Variants in CYSLTR2 observed in about 807,000 individuals in gnomAD.
CYSLTR2 encodes cysteinyl leukotriene receptor 2.
For synonymous variants in CYSLTR2, 179 were observed against 160.8 expected (o/e 1.11, Z -0.86); for missense variants, 398 against 411.9 (o/e 0.97, Z 0.29).
intron 1 of CYSLTR2, among the ~76,000 whole-genome samples, chr13:48,673,969 T>C (rs1372814725): frequency 6.6e-6 from 1 of 152,228 alleles, no homozygotes; most frequent in Non-Finnish European, 1.5e-5. Flanking sequence ...TTCTGGCTTG[T>C]AGAGTTTCTG....
intron 1 of CYSLTR2, among the ~76,000 whole-genome samples, chr13:48,680,453 C>A (rs1311924615): frequency 6.6e-6 from 1 of 152,222 alleles, no homozygotes; most frequent in East Asian, 1.9e-4. Flanking sequence ...TTTAACTGGT[C>A]ACGCAGCATG....
rs118124427 is a variant in CYSLTR2, at chr13:48,677,958, G to A, written c.-265-13254G>A. ...ATCTTGGCTCACTGCTGCAACCTCCGCCTTCAGGGTTCAAGCTCTTCTCGT... is the reference window on the plus strand; with the variant it reads ...ATCTTGGCTCACTGCTGCAACCTCCACCTTCAGGGTTCAAGCTCTTCTCGT... On this transcript the variant is annotated intron_variant, in intron 1 of 4. Coordinates refer to ENST00000682523, the MANE Select transcript of CYSLTR2 (RefSeq NM_001308476.3). 4.9e-3 allele frequency among the ~76,000 whole-genome samples: 733 copies of A among 149,276 alleles called. 3 individuals carry two copies. Among genetic ancestry groups the A allele is most frequent in the Middle Eastern group, 0.014 (4 of 290 alleles).
intron 1 of CYSLTR2, among the ~76,000 whole-genome samples, chr13:48,657,815 A>G (rs1391580119): frequency 1.3e-5 from 2 of 151,184 alleles, no homozygotes; most frequent in Non-Finnish European, 2.9e-5. Context: ...TCAAATTATT[A>G]TTTTTAAAGT....
Position 48,707,152 on chromosome 13 carries a change from G to T in CYSLTR2, c.335G>T (p.Arg112Met). The T allele has an allele frequency of 6.2e-7, 1 of 1,614,144 alleles. No individual in the cohort carries two copies. The highest frequency in any genetic ancestry group is 8.5e-7 in the Non-Finnish European group (1 of 1,180,022). ...TGGATATTTGGAGACCTGGCCTGCA[G>T]GATTATGTCTTATTCCTTGTATGTC... ...SNWIFGDLAC[R>M]IMSYSLYVNM... The change falls in exon 5 of 5, where the codon AGG becomes ATG. Residue 112 changes from arginine (R) to methionine (M), a missense_variant. By Grantham distance (91) the Arg-to-Met change is moderately conservative. Transcript: ENST00000682523.
intron 4 of CYSLTR2, among the ~76,000 whole-genome samples, chr13:48,701,073 G>T (rs769504320): frequency 6.6e-6 from 1 of 152,160 alleles, no homozygotes; most frequent in African/African-American, 2.4e-5. Context: ...GTAATTTATA[G>T]ATCAATGCCA....
intron 1 of CYSLTR2, among the ~76,000 whole-genome samples, chr13:48,663,006 A>C (rs1953167619): frequency 6.6e-6 from 1 of 152,088 alleles, no homozygotes; most frequent in Non-Finnish European, 1.5e-5. Context: ...TCTTTGATCC[A>C]TTTTGAGTTA....
chr13:48,664,278 A>G (rs1593937121), intron 1 of CYSLTR2, among the ~76,000 whole-genome samples: 1 of 151,808 alleles, frequency 6.6e-6, no homozygotes, highest in Non-Finnish European at 1.5e-5. Flanking sequence ...ATTAGCCTGT[A>G]GTTTTTTTTG....
At chr13:48,684,220 C>T (rs897249071) in intron 1 of CYSLTR2, among the ~76,000 whole-genome samples, 1 of 152,060 alleles carries the variant, frequency 6.6e-6, no homozygotes, top group African/African-American at 2.4e-5. Context: ...CATAGTCCCT[C>T]TTCCAGAGAA....
chr13:48,654,407 T>C (rs1290951584), intron 1 of CYSLTR2, among the ~76,000 whole-genome samples: 1 of 152,084 alleles, frequency 6.6e-6, no homozygotes, highest in African/African-American at 2.4e-5. Flanking sequence ...TATCAGTCTA[T>C]GGTTTTTCCA....
rs1436406702 is a variant in CYSLTR2, at chr13:48,706,810, A to C, written c.-1-7A>C. 1 of 1,592,726 alleles carries C rather than the reference A, an allele frequency of 6.3e-7. No homozygotes were observed. The highest frequency in any genetic ancestry group is 2.2e-5 in the East Asian group (1 of 44,614). Reference sequence around the variant, plus strand: ...TAACTTTTTGTGTCTGTTTCTTTTTAACCCAGCATGGAGAGAAAATTTATG... The same window carrying C: ...TAACTTTTTGTGTCTGTTTCTTTTTCACCCAGCATGGAGAGAAAATTTATG... On this transcript the variant is annotated splice_polypyrimidine_tract_variant and splice_region_variant and intron_variant, in intron 4 of 4. Coordinates refer to ENST00000682523, the MANE Select transcript of CYSLTR2 (RefSeq NM_001308476.3).
chr13:48,665,502 G>C (rs1466652750), intron 1 of CYSLTR2, among the ~76,000 whole-genome samples: 4 of 151,954 alleles, frequency 2.6e-5, no homozygotes, highest in Non-Finnish European at 5.9e-5. Context: ...CTAGTGTTGG[G>C]TGCATATATA....
intron 4 of CYSLTR2, among the ~76,000 whole-genome samples, chr13:48,699,390 G>A (rs1296498982): frequency 6.6e-6 from 1 of 152,200 alleles, no homozygotes; most frequent in Non-Finnish European, 1.5e-5. Flanking sequence ...CAACTACGTG[G>A]AAACTGAACA....
intron 1 of CYSLTR2, among the ~76,000 whole-genome samples, chr13:48,673,948 C>A (rs369124927): frequency 6.6e-6 from 1 of 152,146 alleles, no homozygotes; most frequent in East Asian, 1.9e-4. Context: ...TGAATATTGG[C>A]CCCCACTCTT....
intron 1 of CYSLTR2, among the ~76,000 whole-genome samples, chr13:48,675,170 T>G (rs1359950333): frequency 6.6e-6 from 1 of 152,186 alleles, no homozygotes; most frequent in African/African-American, 2.4e-5. Flanking sequence ...TCAAGTGCTG[T>G]GCTGAAAGAT....
chr13:48,679,766 A>T (rs1206213567), intron 1 of CYSLTR2, among the ~76,000 whole-genome samples: 1 of 152,124 alleles, frequency 6.6e-6, no homozygotes. Context: ...CTGATAAAGG[A>T]AATGCCTTTC....
chr13:48,703,290 A>G (rs1566106546), intron 4 of CYSLTR2, among the ~76,000 whole-genome samples: 2 of 152,028 alleles, frequency 1.3e-5, no homozygotes, highest in Admixed American at 6.6e-5. Flanking sequence ...TTTCTAATCT[A>G]TATGATATTT....
At chr13:48,666,122 G>A (rs1953255079) in intron 1 of CYSLTR2, among the ~76,000 whole-genome samples, 1 of 152,042 alleles carries the variant, frequency 6.6e-6, no homozygotes, top group Admixed American at 6.6e-5. Flanking sequence ...TTGCTTGTCT[G>A]GGAAAGATTT....
intron 1 of CYSLTR2, among the ~76,000 whole-genome samples, chr13:48,669,035 G>A (rs187682022): frequency 1.3e-5 from 2 of 152,240 alleles, no homozygotes; most frequent in South Asian, 4.1e-4. Context: ...TTTGTTCCAA[G>A]TCTTTCCTAT....
intron 1 of CYSLTR2, among the ~76,000 whole-genome samples, chr13:48,681,315 A>C (rs1480588743): frequency 6.6e-6 from 1 of 152,120 alleles, no homozygotes; most frequent in Non-Finnish European, 1.5e-5. Flanking sequence ...TGTTGTTCCC[A>C]GTTCATTAGG....
Sources: gnomAD v4.1 joint callset for allele counts (sites outside exome capture counted in the v4.1 genomes callset) on GRCh38, gnomAD v4.1.1 for gene constraint, MANE v1.5 for transcripts, NCBI Gene and HGNC (gene_info 2026-07-23, HGNC 2026-07-21) for gene names.